The following TCIRG1 variants were observed in gnomAD, a reference collection of about 807,000 sequenced individuals.
The protein encoded by TCIRG1 is V-type proton ATPase 116 kDa subunit a 3.
Under a neutral mutation model 95.5 loss-of-function variants are expected in TCIRG1, and 86 were observed. The ratio of observed to expected loss-of-function variants is 0.90; its 90% CI spans 0.76 to 1.08. TCIRG1 has a LOEUF of 1.08. TCIRG1 is among the 50% of genes least tolerant of loss of function. The pLI is 0.00. For missense variants in TCIRG1, 1,069 were observed against 1,140.2 expected, an observed-to-expected ratio of 0.94 and a Z score of 0.90; for synonymous variants, 499 against 501.3, an observed-to-expected ratio of 1.00 and a Z score of 0.06.
chr11:68,043,238 C>A, intron 5 of TCIRG1, 133 bp from the exon 6 acceptor site: 1 of 1,476,404 alleles, frequency 6.8e-7, no homozygotes, highest in South Asian at 1.3e-5. Context: ...AGGCCTCCTG[C>A]CTTCCCCTGT....
At position 68,044,188 on chromosome 11, in the gene TCIRG1, GCT is replaced by G. The variant is rs1855344096; in HGVS notation, c.865_866del (p.Leu289AlafsTer200). The G allele has an allele frequency of 6.4e-7, 1 of 1,556,706 alleles. No homozygotes were observed. The highest frequency in any genetic ancestry group is 1.4e-5 in the African/African-American group (1 of 73,754). On this transcript the variant is annotated frameshift_variant, in exon 9 of 20. Transcript: ENST00000265686. LOFTEE classifies it high-confidence loss of function. ...SQVLGRVLQL[L>X]PPGQVQVHKM... ...AGGTGCTAGGCCGGGTGCTGCAGCT[GCT>G]GCCGCCAGGGCAGGTGCAGGTCCAC... is the stretch of plus-strand genomic sequence containing the variant.
intron 10 of TCIRG1, 130 bp downstream of exon 10, chr11:68,045,232 C>A: frequency 8.5e-7 from 1 of 1,170,578 alleles, no homozygotes; most frequent in Non-Finnish European, 1.2e-6. Flanking sequence ...GCACACATCC[C>A]ATCACTCTCA....
chr11:68,053,092 GC>G (rs1344996635), downstream of TCIRG1: 1 of 152,492 alleles, frequency 6.6e-6, no homozygotes, highest in Non-Finnish European at 1.5e-5. Flanking sequence ...AAAGGTAAGG[GC>G]CGGGAAACCG....
rs147102889 is a variant in TCIRG1 at position 68,041,758 on chromosome 11, C to T, written c.123C>T (p.Asn41=). 336 of 1,608,550 alleles carry T rather than the reference C, an allele frequency of 2.1e-4. No homozygotes were observed. Among genetic ancestry groups the T allele is most frequent in the African/African-American group, 5.1e-4 (38 of 74,946 alleles). Residue 41 remains asparagine (N), a synonymous_variant, in exon 3 of 20, where the codon AAC becomes AAT. Coordinates refer to ENST00000265686, the MANE Select transcript of TCIRG1 (RefSeq NM_006019.4). ...ELGLVEFRDL[N]ASVSAFQRRF... ...CCTCCGTGTGGCACCCACAGCTCAA[C>T]GCCTCGGTGAGCGCCTTCCAGAGAC... is the stretch of plus-strand genomic sequence containing the variant.
chr11:68,045,880 C>A (rs1268037685), intron 10 of TCIRG1, among the ~76,000 whole-genome samples: 1 of 152,198 alleles, frequency 6.6e-6, no homozygotes, highest in Non-Finnish European at 1.5e-5. Flanking sequence ...GTGACCAAGT[C>A]CCCTCCCGAC....
rs747182452 is a variant in TCIRG1, at chr11:68,050,104, G to A, written c.2119-33G>A. 6 of 1,611,138 alleles carry A rather than the reference G, an allele frequency of 3.7e-6. No individual in the cohort carries two copies. The East Asian group carries it at 1.3e-4, about 36-fold the overall frequency. ...CCTTCCTGGGGGTGGGACGGCTGAG[G>A]CCCTGCCGGCCCTCACTGCACCCGC... On this transcript the variant is annotated intron_variant, in intron 17 of 19. Coordinates refer to ENST00000265686, the MANE Select transcript of TCIRG1 (RefSeq NM_006019.4).
chr11:68,043,234 C>T (rs563727348), intron 5 of TCIRG1, 137 bp from the exon 6 acceptor site: 2 of 1,473,970 alleles, frequency 1.4e-6, no homozygotes, highest in African/African-American at 1.4e-5. Context: ...CGGGAGGCCT[C>T]CTGCCTTCCC....
In TCIRG1 at chr11:68,050,467, A is replaced by G; in HGVS notation, c.2237-20A>G. On this transcript the variant is annotated intron_variant, in intron 18 of 19. Transcript: ENST00000265686. The stretch of plus-strand genomic sequence containing the variant: ...AGGCACCCACTTGCCGTTGGCCCCC[A>G]CTGTCTCCTTTGCTTGCAGAGCTGT... The G allele has an allele frequency of 6.2e-7, 1 of 1,612,238 alleles. No homozygotes were observed. Among genetic ancestry groups the G allele is most frequent in the Non-Finnish European group, 8.5e-7 (1 of 1,179,958 alleles).
intron 2 of TCIRG1, 112 bp downstream of exon 2, chr11:68,041,500 C>A: frequency 1.2e-6 from 1 of 845,252 alleles, no homozygotes; most frequent in Non-Finnish European, 1.9e-6. Context: ...CCCATTTGAA[C>A]CCCAGCGGCC....
rs200087340 is a variant in TCIRG1 at position 68,043,794 on chromosome 11, G to A, written c.714-20G>A. 529 of 1,555,316 alleles carry A rather than the reference G, an allele frequency of 3.4e-4. 5 individuals are homozygous for A. In the East Asian group the frequency reaches 6.3e-3, roughly 19 times the overall value. On this transcript the variant is annotated intron_variant, in intron 7 of 19. Coordinates refer to ENST00000265686, the MANE Select transcript of TCIRG1 (RefSeq NM_006019.4). ...TAGCTGTGTCCTTCTGGCCCCTCACGCAGCGCATCCTCCCTCCAGCTTCCA... is the reference window on the plus strand; with the variant it reads ...TAGCTGTGTCCTTCTGGCCCCTCACACAGCGCATCCTCCCTCCAGCTTCCA...
Position 68,047,581 on chromosome 11 carries a change from C to CG in TCIRG1, c.1305+13dup, listed in dbSNP as rs1855566709. 6.2e-7 allele frequency: 1 copy of CG among 1,612,436 alleles called. No homozygotes were observed. The highest frequency in any genetic ancestry group is 1.1e-5 in the South Asian group (1 of 91,026). ...AGGCCGCGCAGAACGAGGTGAGGGG[C>CG]GGGGCTGGGGTCCTGATGAGGGTAG... is the stretch of plus-strand genomic sequence containing the variant. On this transcript the variant is annotated intron_variant, in intron 11 of 19. Coordinates refer to ENST00000265686, the MANE Select transcript of TCIRG1 (RefSeq NM_006019.4).
In TCIRG1 at chr11:68,043,672, C is replaced by G. The variant is rs1210543408; in HGVS notation, c.713+19C>G. The G allele has an allele frequency of 5.7e-6, 9 of 1,587,090 alleles. No homozygotes were observed. Among genetic ancestry groups the G allele is most frequent in the Non-Finnish European group, 7.7e-6 (9 of 1,165,746 alleles). On this transcript the variant is annotated intron_variant, in intron 7 of 19. Coordinates refer to ENST00000265686, the MANE Select transcript of TCIRG1 (RefSeq NM_006019.4). ...CGGACTGGTGAGTCACTGGGAACAC[C>G]CGCCCCACCGCCCTGCTCCCCAGGC...
chr11:68,044,249 T>C lies in TCIRG1; in HGVS notation c.925T>C (p.Cys309Arg). The change falls in exon 9 of 20, where the codon TGC becomes CGC. Residue 309 changes from cysteine (C) to arginine (R), a missense_variant. Physicochemically the swap from Cys to Arg is radical, Grantham distance 180. Coordinates refer to ENST00000265686, the MANE Select transcript of TCIRG1 (RefSeq NM_006019.4). Reference sequence around the variant, plus strand: ...GGCCGTGTACCTGGCCCTGAACCAGTGCAGCGTGAGCACCACGCACAAGTG... The same window carrying C: ...GGCCGTGTACCTGGCCCTGAACCAGCGCAGCGTGAGCACCACGCACAAGTG... ...MKAVYLALNQCSVSTTHKCLI... is the reference protein window; with the variant it reads ...MKAVYLALNQRSVSTTHKCLI... The C allele has an allele frequency of 6.2e-7, 1 of 1,601,580 alleles. No individual in the cohort carries two copies.
At chr11:68,047,003 G>GTTTTTTTT in intron 10 of TCIRG1, 1 of 304,126 alleles carries the variant, frequency 3.3e-6, no homozygotes, top group South Asian at 2.0e-5. Flanking sequence ...TAAGTGGTGG[G>GTTTTTTTT]TTCTTTTTTT....
At chr11:68,041,878 G>C in intron 3 of TCIRG1, 47 bp downstream of exon 3, 1 of 1,517,440 alleles carries the variant, frequency 6.6e-7, no homozygotes, top group Non-Finnish European at 9.0e-7. Flanking sequence ...CCTGGAGGAG[G>C]CATGGGCCAA....
intron 5 of TCIRG1, 163 bp downstream of exon 5, chr11:68,043,194 C>G (rs1334348224): frequency 2.0e-5 from 30 of 1,492,136 alleles, no homozygotes; most frequent in Non-Finnish European, 2.4e-5. Context: ...AAGCCCTAGC[C>G]CTAGGGGGTT....
Position 68,043,262 on chromosome 11 carries a change from GTGCCCAAT to G in TCIRG1, c.504-103_504-96del, listed in dbSNP as rs1241617335. The G allele has an allele frequency of 3.2e-5, 47 of 1,490,008 alleles. No homozygotes were observed. The East Asian group carries it at 9.2e-4, about 29-fold the overall frequency. 92.3% of individuals were successfully genotyped at this position (1,490,008 alleles called of 1,614,324 possible). On this transcript the variant is annotated intron_variant, in intron 5 of 19. Coordinates refer to ENST00000265686, the MANE Select transcript of TCIRG1 (RefSeq NM_006019.4). Reference sequence around the variant, plus strand: ...GCCTTCCCCTGTGGGCAGGGCCAGTGTGCCCAATTGCCCGATTGCCCGTGCTGGGCAGG... The same window carrying G: ...GCCTTCCCCTGTGGGCAGGGCCAGTGTGCCCGATTGCCCGTGCTGGGCAGG...
chr11:68,044,030 C>A lies in TCIRG1; in HGVS notation c.808-102C>A, dbSNP rs1427369002. The A allele has an allele frequency of 5.4e-6, 7 of 1,299,262 alleles. No homozygotes were observed. The African/African-American group carries it at 7.4e-5, about 14-fold the overall frequency. The allele number at this position is 1,299,262 out of a possible 1,614,324, so 80.5% of individuals were successfully genotyped here. On this transcript the variant is annotated intron_variant, in intron 8 of 19. Transcript: ENST00000265686. ...AGGAGGTGGGTGCAGGAGGTGGGTGCCCTGGCCTGGCCTCCAGGAGGTGGG... is the reference window on the plus strand; with the variant it reads ...AGGAGGTGGGTGCAGGAGGTGGGTGACCTGGCCTGGCCTCCAGGAGGTGGG...
chr11:68,044,713 C>T (rs1027312115), intron 9 of TCIRG1: 18 of 607,228 alleles, frequency 3.0e-5, no homozygotes, highest in African/African-American at 3.0e-4. Context: ...AGGCTGGGCT[C>T]CTTCTCCTGG....
Sources: gnomAD v4.1 joint callset for allele counts (sites outside exome capture counted in the v4.1 genomes callset) on GRCh38, gnomAD v4.1.1 for gene constraint, MANE v1.5 for transcripts, NCBI Gene and HGNC (gene_info 2026-07-23, HGNC 2026-07-21) for gene names.